The following OPCML variants were observed in gnomAD, a reference collection of about 807,000 sequenced individuals.
OPCML encodes opioid binding protein/cell adhesion molecule like, also known as opioid-binding protein/cell adhesion molecule.
OPCML carries 13 observed loss-of-function variants against 37.8 expected under a neutral mutation model. That is an observed-to-expected ratio of 0.34 (90% CI 0.22 to 0.55). The LOEUF is 0.55. Ranked by LOEUF, OPCML falls within the 20% of genes least tolerant of loss-of-function variation. The pLI is 0.91. For synonymous variants in OPCML, 176 were observed against 168.8 expected (o/e 1.04, Z -0.33); for missense variants, 341 against 435.6 (o/e 0.78, Z 1.93).
chr11:133,504,232 A>G (rs1056234729), intron 1 of OPCML, among the ~76,000 whole-genome samples: 6 of 152,206 alleles, frequency 3.9e-5, no homozygotes, highest in Non-Finnish European at 8.8e-5. Flanking sequence ...ACTTTCACGG[A>G]GAACCCCCAA....
intron 2 of OPCML, among the ~76,000 whole-genome samples, chr11:132,922,614 T>C (rs778543424): frequency 2.0e-5 from 3 of 152,204 alleles, no homozygotes; most frequent in Non-Finnish European, 2.9e-5. Flanking sequence ...CTGCATTCCA[T>C]GGTCCTTATA....
chr11:133,360,665 A>T (rs1466498102), intron 1 of OPCML: 1 of 152,294 alleles, frequency 6.6e-6, no homozygotes, highest in Admixed American at 6.5e-5. Context: ...TATGTTGCTT[A>T]ATTCTGATTC....
intron 1 of OPCML, among the ~76,000 whole-genome samples, chr11:133,016,821 C>T (rs1443669846): frequency 6.6e-6 from 1 of 152,158 alleles, no homozygotes; most frequent in Non-Finnish European, 1.5e-5. Context: ...CATATAACAT[C>T]CTGGAAATTC....
intron 1 of OPCML, among the ~76,000 whole-genome samples, chr11:133,368,887 G>T (rs1944611727): frequency 6.6e-6 from 1 of 152,294 alleles, no homozygotes; most frequent in African/African-American, 2.4e-5. Flanking sequence ...TCAGGATTTT[G>T]CCCTGGATAT....
At chr11:133,019,923 C>A (rs530327407) in intron 1 of OPCML, among the ~76,000 whole-genome samples, 39 of 152,326 alleles carry the variant, frequency 2.6e-4, no homozygotes, top group Admixed American at 1.9e-3. Flanking sequence ...CAGGCATGCT[C>A]CCCAGTGCAC....
At chr11:132,851,446 T>C (rs1399906404) in intron 2 of OPCML, among the ~76,000 whole-genome samples, 1 of 152,162 alleles carries the variant, frequency 6.6e-6, no homozygotes, top group East Asian at 1.9e-4. Context: ...TGCTGGGTGG[T>C]GCAGTGTGGA....
intron 2 of OPCML, among the ~76,000 whole-genome samples, chr11:132,844,204 T>C (rs1194472975): frequency 6.6e-6 from 1 of 152,238 alleles, no homozygotes; most frequent in Non-Finnish European, 1.5e-5. Context: ...TAAACCTTTT[T>C]ATTCTGTAAA....
chr11:132,636,549 T>C (rs962605664), intron 3 of OPCML, among the ~76,000 whole-genome samples: 3 of 152,222 alleles, frequency 2.0e-5, no homozygotes, highest in African/African-American at 7.2e-5. Context: ...AAGCCTTCCA[T>C]ATAATGCCTC....
In OPCML at chr11:133,128,867, C is replaced by A. The variant is rs538779633; in HGVS notation, c.62-185857G>T. ...TCATGAGGACCCCAGGAAGCCCTCT[C>A]TGTAGCCCGGGCTTCTGCTTCTGGC... is the stretch of plus-strand genomic sequence containing the variant. On this transcript the variant is annotated intron_variant, in intron 1 of 7. Transcript: ENST00000524381. 8.2e-4 allele frequency among the ~76,000 whole-genome samples: 125 copies of A among 152,258 alleles called. 1 individual carries two copies. Among genetic ancestry groups the A allele is most frequent in the Non-Finnish European group, 1.5e-3 (100 of 68,012 alleles).
chr11:132,592,994 G>T (rs2096486947), intron 3 of OPCML, among the ~76,000 whole-genome samples: 1 of 152,220 alleles, frequency 6.6e-6, no homozygotes, highest in African/African-American at 2.4e-5. Context: ...TGGAGAGTGA[G>T]AAATGGAAAA....
intron 1 of OPCML, chr11:133,301,020 T>C (rs1220226501): frequency 2.0e-5 from 3 of 152,190 alleles, no homozygotes; most frequent in African/African-American, 7.2e-5. Flanking sequence ...AAATTTATGT[T>C]ATTTCAAACC....
At chr11:132,424,898 G>T (rs1266467446) in intron 7 of OPCML, among the ~76,000 whole-genome samples, 1 of 152,202 alleles carries the variant, frequency 6.6e-6, no homozygotes, top group Non-Finnish European at 1.5e-5. Context: ...TGAACCTGGG[G>T]TGAGGTATTG....
At chr11:132,938,721 C>A (rs1029141907) in intron 2 of OPCML, among the ~76,000 whole-genome samples, 4 of 152,150 alleles carry the variant, frequency 2.6e-5, no homozygotes, top group African/African-American at 9.7e-5. Context: ...AGACACAGAG[C>A]TTTCTAGGGC....
intron 1 of OPCML, among the ~76,000 whole-genome samples, chr11:132,964,143 G>A (rs1434086939): frequency 1.3e-5 from 2 of 152,184 alleles, no homozygotes; most frequent in African/African-American, 4.8e-5. Flanking sequence ...ACCTGAAGGT[G>A]CAGAGGGAAT....
At chr11:133,274,770 C>T (rs975310977) in intron 1 of OPCML, among the ~76,000 whole-genome samples, 3 of 152,080 alleles carry the variant, frequency 2.0e-5, no homozygotes, top group Admixed American at 6.6e-5. Flanking sequence ...CAGTCACGAG[C>T]TTTTACAAAG....
intron 1 of OPCML, among the ~76,000 whole-genome samples, chr11:133,425,086 AAGAT>A (rs1403103448): frequency 1.3e-5 from 2 of 152,210 alleles, no homozygotes; most frequent in Non-Finnish European, 2.9e-5. Context: ...CCTTCTTAGA[AAGAT>A]AGATTGTTCA....
intron 3 of OPCML, among the ~76,000 whole-genome samples, chr11:132,568,555 C>T (rs555827046): frequency 6.6e-6 from 1 of 152,202 alleles, no homozygotes; most frequent in Admixed American, 6.5e-5. Context: ...GAAAGAATGC[C>T]GAGTGATGAC....
At chr11:132,430,840 C>T (rs938041119) in intron 7 of OPCML, among the ~76,000 whole-genome samples, 1 of 152,174 alleles carries the variant, frequency 6.6e-6, no homozygotes, top group Admixed American at 6.5e-5. Flanking sequence ...TCATTAAGCA[C>T]GTCGCACTCT....
At chr11:133,278,664 A>G (rs1942059146) in intron 1 of OPCML, among the ~76,000 whole-genome samples, 1 of 152,146 alleles carries the variant, frequency 6.6e-6, no homozygotes, top group Non-Finnish European at 1.5e-5. Flanking sequence ...AGAAAGCCCA[A>G]TTTTAGCTAA....
Sources: allele counts gnomAD v4.1 joint callset (sites outside exome capture counted in the v4.1 genomes callset), GRCh38; gene constraint gnomAD v4.1.1; transcripts MANE v1.5; gene names NCBI Gene and HGNC (gene_info 2026-07-23, HGNC 2026-07-21).